OPCML: variants seen among roughly 807,000 people sequenced by gnomAD.
The protein encoded by OPCML is opioid binding protein/cell adhesion molecule like, also known as opioid-binding protein/cell adhesion molecule.
Under a neutral mutation model 37.8 loss-of-function variants are expected in OPCML, and 13 were observed. That is an observed-to-expected ratio of 0.34 (90% CI 0.22 to 0.55). The LOEUF is 0.55. Among genes scored for constraint, OPCML ranks in the 20% least tolerant of loss-of-function variants. The probability of loss-of-function intolerance (pLI) is 0.91; values close to 1 mark genes in which losing one functional copy is unlikely to be tolerated. For synonymous variants in OPCML, 176 were observed against 168.8 expected (o/e 1.04, Z -0.33); for missense variants, 341 against 435.6 (o/e 0.78, Z 1.93).
At chr11:132,426,041 T>A (rs1179009041) in intron 7 of OPCML, among the ~76,000 whole-genome samples, 2 of 152,254 alleles carry the variant, frequency 1.3e-5, no homozygotes, top group Non-Finnish European at 2.9e-5. Context: ...CCCTTTTTAA[T>A]GTTAAAAATT....
At chr11:132,571,528 G>T (rs2096438413) in intron 3 of OPCML, among the ~76,000 whole-genome samples, 1 of 152,132 alleles carries the variant, frequency 6.6e-6, no homozygotes, top group Non-Finnish European at 1.5e-5. Context: ...TGCAGTATTT[G>T]TCTTTCTGTG....
chr11:133,277,237 G>A (rs1008241231), intron 1 of OPCML, among the ~76,000 whole-genome samples: 12 of 152,164 alleles, frequency 7.9e-5, no homozygotes, highest in Non-Finnish European at 1.8e-4. Flanking sequence ...AACTCAGACA[G>A]CACAGATGCA....
chr11:132,664,960 C>T (rs1344269258), intron 2 of OPCML, among the ~76,000 whole-genome samples: 3 of 152,106 alleles, frequency 2.0e-5, no homozygotes, highest in East Asian at 3.9e-4. Flanking sequence ...AGTAGTGCAA[C>T]GGGTTGACTT....
chr11:133,018,872 A>G (rs1193467168), intron 1 of OPCML, among the ~76,000 whole-genome samples: 1 of 152,220 alleles, frequency 6.6e-6, no homozygotes, highest in Admixed American at 6.5e-5. Context: ...TTAAATGAGG[A>G]CTGACAAAAC....
chr11:132,944,019 C>G (rs1320421643), intron 1 of OPCML, among the ~76,000 whole-genome samples: 4 of 151,840 alleles, frequency 2.6e-5, no homozygotes, highest in Admixed American at 2.6e-4. Flanking sequence ...GCGGCGCGGA[C>G]TGCGCGCTCA....
At chr11:133,361,214 A>G (rs28513504) in intron 1 of OPCML, 19,955 of 152,264 alleles carry the variant, frequency 0.13, 1,762 homozygotes, top group African/African-American at 0.24. Flanking sequence ...AGTGCGGGGA[A>G]TTTCCAGATG....
chr11:133,232,110 A>G (rs1371722279), intron 1 of OPCML, among the ~76,000 whole-genome samples: 1 of 152,196 alleles, frequency 6.6e-6, no homozygotes, highest in African/African-American at 2.4e-5. Context: ...CTTGAACCTC[A>G]CCATATGCCC....
chr11:132,585,403 GA>G (rs59775391), intron 3 of OPCML, among the ~76,000 whole-genome samples: 4,465 of 148,578 alleles, frequency 0.03, 246 homozygotes, highest in African/African-American at 0.1. Flanking sequence ...AATAAAAAAA[GA>G]AAAAAAAAAC....
At chr11:133,527,544 T>C (rs1292869263) in intron 1 of OPCML, among the ~76,000 whole-genome samples, 2 of 152,218 alleles carry the variant, frequency 1.3e-5, no homozygotes, top group African/African-American at 4.8e-5. Context: ...AGTATGATTC[T>C]ACCTTATCTT....
At chr11:132,458,622 G>T (rs558002518) in intron 4 of OPCML, among the ~76,000 whole-genome samples, 29 of 152,144 alleles carry the variant, frequency 1.9e-4, no homozygotes, top group Non-Finnish European at 3.5e-4. Flanking sequence ...TTAGAAATTT[G>T]AATAATTTTT....
At chr11:132,529,709 TA>T (rs1171774813) in intron 3 of OPCML, among the ~76,000 whole-genome samples, 3 of 152,214 alleles carry the variant, frequency 2.0e-5, no homozygotes, top group Non-Finnish European at 2.9e-5. Flanking sequence ...GGAACTCTTT[TA>T]TTTCTCACTT....
intron 1 of OPCML, chr11:133,006,996 C>T: frequency 1.0e-6 from 1 of 985,426 alleles, no homozygotes; most frequent in Non-Finnish European, 1.2e-6. Context: ...CCCTCTAAAG[C>T]AATCATATTC....
intron 3 of OPCML, among the ~76,000 whole-genome samples, chr11:132,600,555 A>C (rs770849059): frequency 1.3e-5 from 2 of 152,102 alleles, no homozygotes; most frequent in Non-Finnish European, 2.9e-5. Flanking sequence ...GGCTAAAAAG[A>C]AAAGTACATT....
At chr11:132,451,323 C>T (rs1174691549) in intron 4 of OPCML, among the ~76,000 whole-genome samples, 2 of 140,238 alleles carry the variant, frequency 1.4e-5, no homozygotes, top group East Asian at 2.1e-4. Context: ...TTAACTTTGT[C>T]GAATTAGCAA....
intron 3 of OPCML, among the ~76,000 whole-genome samples, chr11:132,620,281 C>G (rs1395372914): frequency 1.3e-5 from 2 of 152,216 alleles, no homozygotes; most frequent in Non-Finnish European, 2.9e-5. Flanking sequence ...CTTGGTCATT[C>G]AAACCCTCAG....
At chr11:133,404,872 C>T (rs1945493095) in intron 1 of OPCML, among the ~76,000 whole-genome samples, 1 of 152,150 alleles carries the variant, frequency 6.6e-6, no homozygotes, top group South Asian at 2.1e-4. Context: ...TAATAAAATA[C>T]AAACAGATAA....
chr11:132,581,708 T>C (rs956427540), intron 3 of OPCML, among the ~76,000 whole-genome samples: 3 of 152,068 alleles, frequency 2.0e-5, no homozygotes, highest in Non-Finnish European at 4.4e-5. Context: ...CACATACTTT[T>C]AGGTAGAGAA....
At chr11:133,151,782 G>T (rs1949991134) in intron 1 of OPCML, among the ~76,000 whole-genome samples, 1 of 152,108 alleles carries the variant, frequency 6.6e-6, no homozygotes, top group Admixed American at 6.5e-5. Context: ...AGGAGATGGA[G>T]GTGGGAATCT....
chr11:132,979,491 G>T (rs1204421520), intron 1 of OPCML, among the ~76,000 whole-genome samples: 2 of 152,186 alleles, frequency 1.3e-5, no homozygotes, highest in African/African-American at 4.8e-5. Context: ...AACATCCACA[G>T]GATGGCCTCT....
Sources: allele counts gnomAD v4.1 joint callset (sites outside exome capture counted in the v4.1 genomes callset), GRCh38; gene constraint gnomAD v4.1.1; transcripts MANE v1.5; gene names NCBI Gene and HGNC (gene_info 2026-07-23, HGNC 2026-07-21).